VANGL2: variants seen among roughly 807,000 people sequenced by gnomAD.
The protein encoded by VANGL2 is VANGL planar cell polarity protein 2.
VANGL2 carries 14 observed loss-of-function variants against 50.2 expected under a neutral mutation model. The observed-to-expected ratio is 0.28, with a 90% CI of 0.18 to 0.44. The LOEUF is 0.44. Among genes scored for constraint, VANGL2 ranks in the 20% least tolerant of loss-of-function variants. VANGL2 has a pLI of 1.00. For synonymous variants in VANGL2, 295 were observed against 297.2 expected (o/e 0.99, Z 0.08); for missense variants, 533 against 701.5 (o/e 0.76, Z 2.71).
chr1:160,411,696 A>T (rs1383731531), intron 1 of VANGL2, among the ~76,000 whole-genome samples: 1 of 152,106 alleles, frequency 6.6e-6, no homozygotes, highest in Admixed American at 6.5e-5. Context: ...AGCAGGATTC[A>T]TGTTGAGTCT....
Position 160,419,679 on chromosome 1 carries a change from T to C in VANGL2, c.800+70T>C. The stretch of plus-strand genomic sequence containing the variant: ...GGAGGATGTGGAGTGACTGCTAGGG[T>C]GGGAGGGTATGATGGTGGGCTGGAG... On this transcript the variant is annotated intron_variant, in intron 4 of 7. Transcript: ENST00000368061. The surrounding 1 kb of genome is among the most constrained non-coding windows in gnomAD (Gnocchi z 5.8). 6.4e-7 allele frequency: 1 copy of C among 1,562,136 alleles called. No individual in the cohort carries two copies.
At chr1:160,423,072 ATTTTTGTATT>A (rs1651326499) in intron 6 of VANGL2, among the ~76,000 whole-genome samples, 3 of 151,912 alleles carry the variant, frequency 2.0e-5, no homozygotes, top group Non-Finnish European at 4.4e-5. Flanking sequence ...TGCCCAGCTA[ATTTTTGTATT>A]TTTAGTAAAG....
At chr1:160,423,620 AT>A in intron 6 of VANGL2, among the ~76,000 whole-genome samples, 1 of 152,168 alleles carries the variant, frequency 6.6e-6, no homozygotes, top group Admixed American at 6.5e-5. Flanking sequence ...AGATGTGTAT[AT>A]TTTCCCCAGC....
At chr1:160,414,072 A>T (rs754340257) in intron 1 of VANGL2, among the ~76,000 whole-genome samples, 1 of 152,190 alleles carries the variant, frequency 6.6e-6, no homozygotes. Flanking sequence ...TTAAGTCTCA[A>T]ACATGACTGT....
chr1:160,423,173 T>C (rs890801717), intron 6 of VANGL2, among the ~76,000 whole-genome samples: 4 of 152,244 alleles, frequency 2.6e-5, no homozygotes, highest in African/African-American at 9.6e-5. Context: ...CCCAAAGTGC[T>C]GGGATTATAG....
chr1:160,420,605 C>T, intron 5 of VANGL2, 58 bp downstream of exon 5: 1 of 1,612,548 alleles, frequency 6.2e-7, no homozygotes, highest in Non-Finnish European at 8.5e-7. Flanking sequence ...ACTCCAAGTT[C>T]CCGCCTCTCT....
intron 1 of VANGL2, among the ~76,000 whole-genome samples, chr1:160,413,120 G>A (rs547345629): frequency 6.6e-6 from 1 of 152,266 alleles, no homozygotes; most frequent in South Asian, 2.1e-4. Context: ...GGTTAAGCGA[G>A]GCATGACTAT....
intron 1 of VANGL2, among the ~76,000 whole-genome samples, chr1:160,409,952 C>T (rs1650817811): frequency 6.6e-6 from 1 of 152,110 alleles, no homozygotes. Context: ...ACATGCATAC[C>T]CCTGCCCACG....
chr1:160,419,036 CGGG>C lies in VANGL2; in HGVS notation c.228_230del (p.Gly77del). 1 of 1,609,968 alleles carries C rather than the reference CGGG, an allele frequency of 6.2e-7. No homozygotes were observed. Among genetic ancestry groups the C allele is most frequent in the Non-Finnish European group, 8.5e-7 (1 of 1,176,820 alleles). ...TGGGGGGAAACGACGACAGTAGTAA[CGGG>C]CACCTCAGAGCACAGCATCTCCCAT... On this transcript the variant is annotated inframe_deletion, in exon 4 of 8. Transcript: ENST00000368061. This position sits in a 1 kb window ranked among gnomAD's most constrained non-coding sequence, Gnocchi z 5.8.
At chr1:160,416,382 T>C (rs962610038) in intron 3 of VANGL2, among the ~76,000 whole-genome samples, 200 bp downstream of exon 3, 1 of 152,160 alleles carries the variant, frequency 6.6e-6, no homozygotes, top group Non-Finnish European at 1.5e-5. Flanking sequence ...GAGATCCCTC[T>C]GGAAGCAGCA....
intron 1 of VANGL2, among the ~76,000 whole-genome samples, chr1:160,402,755 G>A (rs1018933193): frequency 6.6e-6 from 1 of 152,048 alleles, no homozygotes; most frequent in African/African-American, 2.4e-5. Context: ...TATCCAGGAA[G>A]TGAATGTCTC....
Position 160,425,419 on chromosome 1 carries a change from T to TTG in VANGL2, c.*41_*42insTG. ...GGGAGTGGGAAACTCTGGGGGGTCC[T>TTG]GAGGGGGTGGGAGGGGGCTTGGTTC... On this transcript the variant is annotated 3_prime_UTR_variant, in exon 8 of 8. Transcript: ENST00000368061. The TTG allele has an allele frequency of 4.1e-6, 1 of 244,404 alleles. No homozygotes were observed. 15.1% of individuals were successfully genotyped at this position (244,404 alleles called of 1,614,324 possible).
At chr1:160,406,159 G>C (rs1650652090) in intron 1 of VANGL2, among the ~76,000 whole-genome samples, 1 of 152,172 alleles carries the variant, frequency 6.6e-6, no homozygotes, top group African/African-American at 2.4e-5. Context: ...TTTGGAAAAG[G>C]GGAGCGACTC....
chr1:160,409,909 A>G (rs907323583), intron 1 of VANGL2, among the ~76,000 whole-genome samples: 4 of 152,120 alleles, frequency 2.6e-5, no homozygotes, highest in Non-Finnish European at 5.9e-5. Flanking sequence ...ATGGATGGTG[A>G]TGATTAGGGA....
chr1:160,414,028 C>T (rs1650973881), intron 1 of VANGL2, among the ~76,000 whole-genome samples: 1 of 152,274 alleles, frequency 6.6e-6, no homozygotes, highest in Non-Finnish European at 1.5e-5. Context: ...TCTCCCTTCC[C>T]GCTCATTAGG....
intron 3 of VANGL2, among the ~76,000 whole-genome samples, chr1:160,418,013 G>A (rs540997357): frequency 2.0e-5 from 3 of 150,382 alleles, no homozygotes; most frequent in African/African-American, 7.3e-5. Flanking sequence ...CTGGGTTCAA[G>A]CGATTCTCCT....
intron 3 of VANGL2, 77 bp downstream of exon 3, chr1:160,416,259 G>T: frequency 6.2e-7 from 1 of 1,609,294 alleles, no homozygotes; most frequent in Non-Finnish European, 8.5e-7. Flanking sequence ...CCACGGAGTG[G>T]GGGAGGGCTT....
intron 1 of VANGL2, among the ~76,000 whole-genome samples, chr1:160,414,004 C>T (rs1315156680): frequency 1.3e-5 from 2 of 152,160 alleles, no homozygotes; most frequent in African/African-American, 2.4e-5. Flanking sequence ...TTGCTCAGGC[C>T]GGGGATTCTT....
chr1:160,401,083 C>CG (rs1557902449), intron 1 of VANGL2, among the ~76,000 whole-genome samples: 1 of 152,118 alleles, frequency 6.6e-6, no homozygotes, highest in East Asian at 1.9e-4. Flanking sequence ...GAGTACCCCC[C>CG]CCAACTTTGG....
Sources: gnomAD v4.1 joint callset for allele counts (sites outside exome capture counted in the v4.1 genomes callset) on GRCh38, gnomAD v4.1.1 for gene constraint, Gnocchi (gnomAD v3.1) non-coding constraint, MANE v1.5 for transcripts, NCBI Gene and HGNC (gene_info 2026-07-23, HGNC 2026-07-21) for gene names.